IL1RAPL2: variants seen among roughly 807,000 people sequenced by gnomAD.
IL1RAPL2 encodes interleukin 1 receptor accessory protein like 2, also known as X-linked interleukin-1 receptor accessory protein-like 2.
In IL1RAPL2, 3 loss-of-function variants were observed where a neutral mutation model predicts 44.1. The observed-to-expected ratio is 0.07, with a 90% CI of 0.03 to 0.18. The LOEUF (loss-of-function observed/expected upper bound fraction) is 0.18. Ranked by LOEUF, IL1RAPL2 falls within the 10% of genes least tolerant of loss-of-function variation. IL1RAPL2 has a pLI of 1.00. For missense variants in IL1RAPL2, 391 were observed against 496.4 expected, an observed-to-expected ratio of 0.79 and a Z score of 2.02; for synonymous variants, 181 against 178.8, an observed-to-expected ratio of 1.01 and a Z score of -0.10.
chrX:104,730,377 C>G (rs989614086), intron 2 of IL1RAPL2, among the ~76,000 whole-genome samples: 1 of 74,518 alleles, frequency 1.3e-5, no homozygotes. Flanking sequence ...TCCCCTCCCC[C>G]CCACCCCAGA....
intron 2 of IL1RAPL2, among the ~76,000 whole-genome samples, chrX:105,084,025 C>T (rs746419232): frequency 2.7e-5 from 3 of 112,351 alleles, no homozygotes; most frequent in Admixed American, 9.4e-5. Flanking sequence ...GTTGGGCCTG[C>T]GGGAGCACAG....
At chrX:105,041,870 A>T (rs1356972831) in intron 2 of IL1RAPL2, among the ~76,000 whole-genome samples, 1 of 111,281 alleles carries the variant, frequency 9.0e-6, no homozygotes, top group East Asian at 2.8e-4. Flanking sequence ...TACTGGTACC[A>T]AAACAGAGAT....
intron 2 of IL1RAPL2, among the ~76,000 whole-genome samples, chrX:104,725,443 C>T (rs1931770132): frequency 9.0e-6 from 1 of 111,451 alleles, no homozygotes; most frequent in African/African-American, 3.3e-5. Context: ...GTTCTAGATC[C>T]TTGAGGAATC....
At chrX:105,206,851 A>G (rs2033768309) in intron 3 of IL1RAPL2, among the ~76,000 whole-genome samples, 1 of 112,079 alleles carries the variant, frequency 8.9e-6, no homozygotes, top group African/African-American at 3.2e-5. Flanking sequence ...TGAAGCATAT[A>G]TATCCTTAAA....
intron 2 of IL1RAPL2, among the ~76,000 whole-genome samples, chrX:105,022,999 A>G (rs1444599031): frequency 9.0e-6 from 1 of 111,123 alleles, no homozygotes; most frequent in Non-Finnish European, 1.9e-5. Flanking sequence ...CACTAGATGA[A>G]AGAGAAATTG....
intron 6 of IL1RAPL2, among the ~76,000 whole-genome samples, chrX:105,672,668 T>A (rs1216987773): frequency 8.9e-6 from 1 of 111,866 alleles, no homozygotes; most frequent in Admixed American, 9.5e-5. Flanking sequence ...TATTTGGCCA[T>A]CTCTGATACC....
At chrX:105,547,335 T>A (rs1256133305) in intron 6 of IL1RAPL2, among the ~76,000 whole-genome samples, 1 of 112,389 alleles carries the variant, frequency 8.9e-6, no homozygotes, top group Non-Finnish European at 1.9e-5. Flanking sequence ...TTGAAAAAGA[T>A]GTGAATTACA....
intron 2 of IL1RAPL2, among the ~76,000 whole-genome samples, chrX:104,920,566 G>A (rs1159183245): frequency 2.9e-5 from 3 of 102,476 alleles, no homozygotes; most frequent in African/African-American, 3.6e-5. Context: ...ATCATGTGAC[G>A]TGCCTGCTTC....
chrX:104,594,679 T>G (rs1358872), intron 1 of IL1RAPL2, among the ~76,000 whole-genome samples: 2 of 111,859 alleles, frequency 1.8e-5, no homozygotes, highest in African/African-American at 6.5e-5. Context: ...ATGGAGGTAA[T>G]GACCATGAAG....
intron 2 of IL1RAPL2, among the ~76,000 whole-genome samples, chrX:104,916,881 G>A (rs1285528989): frequency 9.0e-6 from 1 of 111,448 alleles, no homozygotes; most frequent in Non-Finnish European, 1.9e-5. Context: ...TTATTGATTT[G>A]CGTATATTGA....
intron 2 of IL1RAPL2, among the ~76,000 whole-genome samples, chrX:104,668,481 C>T (rs1930528934): frequency 2.5e-5 from 2 of 80,576 alleles, no homozygotes; most frequent in Non-Finnish European, 4.7e-5. Context: ...CCCCCCTCCC[C>T]CCACCGCACA....
intron 2 of IL1RAPL2, among the ~76,000 whole-genome samples, chrX:105,162,130 G>C (rs949552544): frequency 8.9e-6 from 1 of 112,145 alleles, no homozygotes; most frequent in African/African-American, 3.2e-5. Context: ...AAGAGCACTT[G>C]TTATAGAGTC....
chrX:104,991,552 AGTGTTCACACT>A (rs1258393249), intron 2 of IL1RAPL2, among the ~76,000 whole-genome samples: 14 of 111,997 alleles, frequency 1.3e-4, no homozygotes, highest in African/African-American at 3.9e-4. Context: ...TTGAGCCTAG[AGTGTTCACACT>A]GTGTTCACAT....
chrX:105,400,088 G>A (rs748744428), intron 5 of IL1RAPL2, among the ~76,000 whole-genome samples: 1 of 111,728 alleles, frequency 9.0e-6, no homozygotes, highest in African/African-American at 3.2e-5. Context: ...GTGCTAAATC[G>A]TGTATTACCT....
intron 6 of IL1RAPL2, among the ~76,000 whole-genome samples, chrX:105,562,686 G>T (rs1210179923): frequency 9.0e-6 from 1 of 111,249 alleles, no homozygotes; most frequent in Non-Finnish European, 1.9e-5. Flanking sequence ...GGGCTTGCCA[G>T]AAGGCTTAGC....
At chrX:104,997,591 A>C (rs1324940724) in intron 2 of IL1RAPL2, among the ~76,000 whole-genome samples, 1 of 111,886 alleles carries the variant, frequency 8.9e-6, no homozygotes, top group African/African-American at 3.2e-5. Flanking sequence ...CTTTTTCAAC[A>C]GTTAGAAAAA....
At chrX:105,246,095 A>T (rs766675447) in intron 4 of IL1RAPL2, among the ~76,000 whole-genome samples, 1 of 112,212 alleles carries the variant, frequency 8.9e-6, no homozygotes, top group Admixed American at 9.5e-5. Context: ...ATGAAGGGAG[A>T]TAGATGAGTA....
intron 2 of IL1RAPL2, among the ~76,000 whole-genome samples, chrX:105,186,866 A>G (rs1398556560): frequency 8.9e-6 from 1 of 112,067 alleles, no homozygotes; most frequent in African/African-American, 3.2e-5. Flanking sequence ...AATGGCTATT[A>G]CCAAAATGAT....
intron 2 of IL1RAPL2, among the ~76,000 whole-genome samples, chrX:105,146,868 G>T (rs984958328): frequency 3.6e-5 from 4 of 111,815 alleles, no homozygotes; most frequent in Admixed American, 9.5e-5. Flanking sequence ...AAGCTACATT[G>T]GTTTGGCGTA....
Sources: gnomAD v4.1 joint callset for allele counts (sites outside exome capture counted in the v4.1 genomes callset) on GRCh38, gnomAD v4.1.1 for gene constraint, MANE v1.5 for transcripts, NCBI Gene and HGNC (gene_info 2026-07-23, HGNC 2026-07-21) for gene names.